Variants in STX8 observed in about 807,000 individuals in gnomAD.
STX8 encodes syntaxin-8.
Under a neutral mutation model 37.5 loss-of-function variants are expected in STX8, and 23 were observed. The observed-to-expected ratio is 0.61, with a 90% CI of 0.44 to 0.87. The LOEUF is 0.87. Among genes scored for constraint, STX8 ranks in the 40% least tolerant of loss-of-function variants. STX8 has a pLI of 0.00. For missense variants in STX8, 313 were observed against 284.7 expected (o/e 1.10, Z -0.71); for synonymous variants, 115 against 99.1 (o/e 1.16, Z -0.95).
At chr17:9,295,384 A>G (rs1485154708) in intron 7 of STX8, among the ~76,000 whole-genome samples, 1 of 151,666 alleles carries the variant, frequency 6.6e-6, no homozygotes, top group African/African-American at 2.4e-5. Flanking sequence ...CCTAGCATGT[A>G]GCAGACATTC....
At chr17:9,250,779 T>G in intron 7 of STX8, 134 bp from the exon 8 acceptor site, 1 of 948,272 alleles carries the variant, frequency 1.1e-6, no homozygotes, top group Non-Finnish European at 1.6e-6. Context: ...TGGAGAGAGG[T>G]GGTCGGTGGC....
intron 5 of STX8, among the ~76,000 whole-genome samples, chr17:9,494,615 CA>C (rs35806606): frequency 0.14 from 9,012 of 63,604 alleles, 91 homozygotes; most frequent in South Asian, 0.23. Flanking sequence ...GAACCTGTCT[CA>C]AAAAAAAAAA....
At chr17:9,438,870 A>T (rs572094280) in intron 6 of STX8, among the ~76,000 whole-genome samples, 3 of 152,240 alleles carry the variant, frequency 2.0e-5, no homozygotes, top group South Asian at 2.1e-4. Flanking sequence ...CGGAGCTTGC[A>T]GTGAGCTGAG....
intron 7 of STX8, among the ~76,000 whole-genome samples, chr17:9,301,758 G>T (rs774297084): frequency 2.0e-5 from 3 of 151,826 alleles, no homozygotes; most frequent in Admixed American, 6.6e-5. Flanking sequence ...CAAAGTGTTG[G>T]GATTACAGGC....
At chr17:9,299,406 A>C (rs1421938013) in intron 7 of STX8, among the ~76,000 whole-genome samples, 1 of 149,056 alleles carries the variant, frequency 6.7e-6, no homozygotes, top group African/African-American at 2.5e-5. Context: ...GAAGGAAAAG[A>C]GGGGATTGCC....
intron 7 of STX8, among the ~76,000 whole-genome samples, chr17:9,359,503 ATTTTT>A (rs145808683): frequency 2.2e-5 from 2 of 91,744 alleles, no homozygotes; most frequent in African/African-American, 4.4e-5. Flanking sequence ...GCTGAGACAT[ATTTTT>A]TTTTTTTTTT....
chr17:9,275,078 T>A (rs2142144438), intron 7 of STX8, among the ~76,000 whole-genome samples: 1 of 152,198 alleles, frequency 6.6e-6, no homozygotes, highest in Admixed American at 6.5e-5. Context: ...TGTCTCTAAG[T>A]CACAGAAACC....
At chr17:9,378,289 A>C (rs1236085197) in intron 7 of STX8, 1 of 368,288 alleles carries the variant, frequency 2.7e-6, no homozygotes, top group Non-Finnish European at 5.1e-6. Flanking sequence ...CCAAACCATT[A>C]ATCTCTGTAA....
chr17:9,297,418 A>G (rs140656579), intron 7 of STX8, among the ~76,000 whole-genome samples: 201 of 152,290 alleles, frequency 1.3e-3, no homozygotes, highest in African/African-American at 4.7e-3. Flanking sequence ...GGAAGCTTAG[A>G]GTCAGGGCCA....
chr17:9,305,098 TA>T (rs1908928659), intron 7 of STX8, among the ~76,000 whole-genome samples: 2 of 151,784 alleles, frequency 1.3e-5, no homozygotes, highest in African/African-American at 4.8e-5. Context: ...ATATTATTAT[TA>T]TTATTATTTT....
intron 6 of STX8, among the ~76,000 whole-genome samples, chr17:9,395,602 T>A (rs1490597510): frequency 6.6e-6 from 1 of 152,064 alleles, no homozygotes; most frequent in African/African-American, 2.4e-5. Flanking sequence ...AACAAAAAAA[T>A]GCACAAATAT....
intron 7 of STX8, among the ~76,000 whole-genome samples, chr17:9,253,207 G>GGGGTGTGTGTGTGT (rs750265739): frequency 3.5e-5 from 5 of 140,938 alleles, no homozygotes; most frequent in South Asian, 2.4e-4. Context: ...CAGGGGTAGG[G>GGGGTGTGTGTGTGT]GTGTGTGTGT....
At chr17:9,366,074 C>T (rs1362237649) in intron 7 of STX8, among the ~76,000 whole-genome samples, 1 of 152,196 alleles carries the variant, frequency 6.6e-6, no homozygotes, top group Non-Finnish European at 1.5e-5. Context: ...GATCTGGTCC[C>T]AGCCTGCCTA....
intron 6 of STX8, among the ~76,000 whole-genome samples, chr17:9,426,113 C>G (rs918643411): frequency 6.6e-6 from 1 of 152,094 alleles, no homozygotes; most frequent in Non-Finnish European, 1.5e-5. Flanking sequence ...TGAATTTCAA[C>G]GTTTTGAAGG....
At chr17:9,574,717 A>G (rs1907827698) in intron 1 of STX8, among the ~76,000 whole-genome samples, 1 of 152,144 alleles carries the variant, frequency 6.6e-6, no homozygotes, top group African/African-American at 2.4e-5. Context: ...TATTTTTAGT[A>G]GAGACGGGGT....
intron 7 of STX8, among the ~76,000 whole-genome samples, chr17:9,350,547 C>CT (rs1347596116): frequency 6.7e-6 from 1 of 148,710 alleles, no homozygotes; most frequent in Non-Finnish European, 1.5e-5. Context: ...TTTTTGTTTT[C>CT]TTTTTTTGAG....
chr17:9,410,881 T>C (rs1912957014), intron 6 of STX8, among the ~76,000 whole-genome samples: 1 of 152,206 alleles, frequency 6.6e-6, no homozygotes, highest in Admixed American at 6.5e-5. Context: ...AACAAATGAT[T>C]ACAAAGCAAA....
chr17:9,574,788 C>G (rs546719804), intron 1 of STX8, among the ~76,000 whole-genome samples: 34 of 152,304 alleles, frequency 2.2e-4, no homozygotes, highest in African/African-American at 7.9e-4. Flanking sequence ...CCTGCCTCGG[C>G]CTCCCAAAGT....
chr17:9,469,152 T>A (rs1199865574), intron 6 of STX8: 1 of 152,096 alleles, frequency 6.6e-6, no homozygotes, highest in East Asian at 1.9e-4. Context: ...TCAGCCAAGG[T>A]GGTCATTTGC....
Sources: gnomAD v4.1 joint callset for allele counts (sites outside exome capture counted in the v4.1 genomes callset) on GRCh38, gnomAD v4.1.1 for gene constraint, MANE v1.5 for transcripts, NCBI Gene and HGNC (gene_info 2026-07-23, HGNC 2026-07-21) for gene names.